The following EPB41L5 variants were observed in gnomAD, a reference collection of about 807,000 sequenced individuals.
The protein encoded by EPB41L5 is erythrocyte membrane protein band 4.1 like 5.
In EPB41L5, 55 loss-of-function variants were observed where a neutral mutation model predicts 106.6. The observed-to-expected ratio is 0.52, with a 90% CI of 0.42 to 0.65. EPB41L5 has a LOEUF of 0.65. Among genes scored for constraint, EPB41L5 ranks in the 30% least tolerant of loss-of-function variants. The pLI is 0.00. For missense variants in EPB41L5, 871 were observed against 882.1 expected, an observed-to-expected ratio of 0.99 and a Z score of 0.16; for synonymous variants, 297 against 306.7, an observed-to-expected ratio of 0.97 and a Z score of 0.33.
intron 9 of EPB41L5, among the ~76,000 whole-genome samples, chr2:120,077,768 G>A (rs1466214994): frequency 6.6e-6 from 1 of 152,076 alleles, no homozygotes; most frequent in African/African-American, 2.4e-5. Flanking sequence ...AGTTTAACTA[G>A]TAACATTTTT....
chr2:120,163,231 G>A (rs1262347628), intron 21 of EPB41L5, among the ~76,000 whole-genome samples: 1 of 151,006 alleles, frequency 6.6e-6, no homozygotes, highest in Non-Finnish European at 1.5e-5. Flanking sequence ...CTCCAGCCTG[G>A]GTGACAGAGC....
At chr2:120,055,101 A>G (rs139750523) in intron 3 of EPB41L5, among the ~76,000 whole-genome samples, 1,608 of 152,100 alleles carry the variant, frequency 0.011, 28 homozygotes, top group African/African-American at 0.037. Context: ...GACCTCAGGC[A>G]ATCCGCCTGC....
chr2:120,015,292 A>C (rs926145232), intron 1 of EPB41L5, among the ~76,000 whole-genome samples: 3 of 151,374 alleles, frequency 2.0e-5, no homozygotes, highest in African/African-American at 7.3e-5. Context: ...GCGCCACTGC[A>C]CTTCAGCCTG....
intron 16 of EPB41L5, among the ~76,000 whole-genome samples, chr2:120,124,403 G>T (rs943590023): frequency 6.6e-6 from 1 of 152,136 alleles, no homozygotes. Flanking sequence ...CTACAGAAAA[G>T]TTGAATGAAT....
intron 3 of EPB41L5, among the ~76,000 whole-genome samples, chr2:120,068,013 C>T (rs1314912107): frequency 6.6e-6 from 1 of 152,162 alleles, no homozygotes; most frequent in Non-Finnish European, 1.5e-5. Flanking sequence ...GGAACAGCTC[C>T]GGTCTGCAGC....
At chr2:120,085,474 C>T (rs1381473652) in intron 10 of EPB41L5, among the ~76,000 whole-genome samples, 2 of 152,132 alleles carry the variant, frequency 1.3e-5, no homozygotes, top group South Asian at 2.1e-4. Flanking sequence ...CTTGAAGCTT[C>T]GTCTCAGAGG....
At chr2:120,084,620 G>A (rs1410576214) in intron 10 of EPB41L5, among the ~76,000 whole-genome samples, 1 of 152,080 alleles carries the variant, frequency 6.6e-6, no homozygotes, top group Non-Finnish European at 1.5e-5. Context: ...TGCTCTTCTG[G>A]AGGAGTATCT....
chr2:120,083,265 C>G (rs1364536767), intron 10 of EPB41L5, among the ~76,000 whole-genome samples: 1 of 152,224 alleles, frequency 6.6e-6, no homozygotes, highest in African/African-American at 2.4e-5. Flanking sequence ...TCCCCCTACA[C>G]ACTGCTTTAA....
chr2:120,135,421 C>A (rs1685880855), intron 18 of EPB41L5, among the ~76,000 whole-genome samples: 1 of 152,098 alleles, frequency 6.6e-6, no homozygotes, highest in African/African-American at 2.4e-5. Flanking sequence ...AGAAAGATAT[C>A]AATATTCAAG....
intron 20 of EPB41L5, among the ~76,000 whole-genome samples, chr2:120,154,245 G>A (rs961061589): frequency 2.6e-5 from 4 of 151,786 alleles, no homozygotes; most frequent in Non-Finnish European, 5.9e-5. Flanking sequence ...CGCAACCTCT[G>A]CTTCCCGGGT....
In EPB41L5 at chr2:120,178,275, C is replaced by G. The variant is rs1204915733; in HGVS notation, c.*3368C>G. The stretch of plus-strand genomic sequence containing the variant: ...CCTCAGATAGGTTCTGCAGTGTTAC[C>G]TGTCACTTGGAGGCAGCCAACACTT... On this transcript the variant is annotated 3_prime_UTR_variant, in exon 25 of 25. Transcript: ENST00000263713. 1 of 152,302 alleles carries G rather than the reference C, an allele frequency of 6.6e-6. No individual in the cohort carries two copies. Among genetic ancestry groups the G allele is most frequent in the African/African-American group, 2.4e-5 (1 of 41,458 alleles). The allele number at this position is 152,302 out of a possible 1,614,324, so 9.4% of individuals were successfully genotyped here. A position where few individuals can be genotyped will look rare whatever the true frequency, so the allele number is the denominator to read the frequency against.
rs113207096 is a variant in EPB41L5, at chr2:120,148,811, C to T, written c.1793+2522C>T. 7.0e-3 allele frequency among the ~76,000 whole-genome samples: 1,063 copies of T among 152,200 alleles called. 7 individuals carry two copies. Among genetic ancestry groups the T allele is most frequent in the Middle Eastern group, 0.058 (17 of 294 alleles). ...TTTAGCTATTGTGAACAAAGCTAGA[C>T]GTGAATATTTGCATACAAATTTTTT... On this transcript the variant is annotated intron_variant, in intron 20 of 24. Transcript: ENST00000263713.
intron 22 of EPB41L5, among the ~76,000 whole-genome samples, chr2:120,166,455 T>A (rs1317979728): frequency 2.2e-5 from 2 of 89,156 alleles, no homozygotes; most frequent in Non-Finnish European, 5.8e-5. Context: ...AGTCAGATTT[T>A]GTGGGTTTTT....
intron 2 of EPB41L5, among the ~76,000 whole-genome samples, chr2:120,028,945 C>T (rs750004161): frequency 6.8e-4 from 104 of 152,056 alleles, no homozygotes; most frequent in Non-Finnish European, 1.3e-3. Context: ...TTATTGGAGA[C>T]GGTCATATTT....
chr2:120,044,021 C>T (rs1679603634), intron 3 of EPB41L5, among the ~76,000 whole-genome samples: 1 of 151,260 alleles, frequency 6.6e-6, no homozygotes, highest in African/African-American at 2.4e-5. Flanking sequence ...TGGTGCATGC[C>T]TATAGTCCTG....
At chr2:120,076,007 G>T (rs4849816) in intron 7 of EPB41L5, among the ~76,000 whole-genome samples, 64,622 of 151,998 alleles carry the variant, frequency 0.43, 14,869 homozygotes, top group East Asian at 0.64. Flanking sequence ...TAAATGCTAA[G>T]ATTGGGCCTT....
intron 22 of EPB41L5, among the ~76,000 whole-genome samples, chr2:120,166,687 C>T (rs1048358483): frequency 1.3e-5 from 2 of 152,242 alleles, no homozygotes; most frequent in Admixed American, 1.3e-4. Flanking sequence ...CTGCCCACCT[C>T]GCCCTCTCAA....
intron 18 of EPB41L5, among the ~76,000 whole-genome samples, chr2:120,132,534 C>T (rs1393795715): frequency 1.3e-5 from 2 of 152,186 alleles, no homozygotes; most frequent in African/African-American, 4.8e-5. Flanking sequence ...GTCTCGCACT[C>T]GCACTGTTAT....
intron 3 of EPB41L5, among the ~76,000 whole-genome samples, chr2:120,049,019 C>G (rs973642648): frequency 1.2e-4 from 19 of 152,146 alleles, no homozygotes; most frequent in African/African-American, 4.6e-4. Context: ...GCACTGTGGT[C>G]TGAGAGACAG....
Sources: gnomAD v4.1 joint callset for allele counts (sites outside exome capture counted in the v4.1 genomes callset) on GRCh38, gnomAD v4.1.1 for gene constraint, MANE v1.5 for transcripts, NCBI Gene and HGNC (gene_info 2026-07-23, HGNC 2026-07-21) for gene names.